HS6ST2: variants seen among roughly 807,000 people sequenced by gnomAD.
HS6ST2 encodes the protein heparan-sulfate 6-O-sulfotransferase 2.
Under a neutral mutation model 33.0 loss-of-function variants are expected in HS6ST2, and 17 were observed. The ratio of observed to expected loss-of-function variants is 0.52; its 90% CI spans 0.35 to 0.77. The LOEUF is 0.77. Among genes scored for constraint, HS6ST2 ranks in the 30% least tolerant of loss-of-function variants. The pLI, the probability that HS6ST2 is intolerant of heterozygous loss-of-function variation, is 0.01. For missense variants in HS6ST2, 519 were observed against 551.7 expected (o/e 0.94, Z 0.59); for synonymous variants, 248 against 237.1 (o/e 1.05, Z -0.42).
intron 2 of HS6ST2, among the ~76,000 whole-genome samples, chrX:132,773,346 A>C (rs1306856212): frequency 9.2e-6 from 1 of 108,874 alleles, no homozygotes; most frequent in Non-Finnish European, 1.9e-5. Context: ...AAAGATGTGG[A>C]GAAATTGGAA....
At chrX:132,883,176 C>T (rs1480905473) in intron 2 of HS6ST2, among the ~76,000 whole-genome samples, 2 of 111,170 alleles carry the variant, frequency 1.8e-5, no homozygotes, top group Middle Eastern at 4.6e-3. Flanking sequence ...TCTTTTTCTA[C>T]TGATTGGAAT....
intron 2 of HS6ST2, among the ~76,000 whole-genome samples, chrX:132,934,580 T>C (rs1233963605): frequency 1.9e-4 from 21 of 111,698 alleles, no homozygotes; most frequent in Admixed American, 9.6e-5. Flanking sequence ...TTAATATACA[T>C]AGATTAAGCC....
At chrX:132,801,420 T>C (rs144235266) in intron 2 of HS6ST2, among the ~76,000 whole-genome samples, 170 of 112,385 alleles carry the variant, frequency 1.5e-3, no homozygotes, top group Non-Finnish European at 2.6e-3. Context: ...TTAGTTTTAC[T>C]GCCTTGAAAA....
At chrX:132,877,496 CT>C (rs1234746321) in intron 2 of HS6ST2, among the ~76,000 whole-genome samples, 1 of 111,395 alleles carries the variant, frequency 9.0e-6, no homozygotes, top group Non-Finnish European at 1.9e-5. Context: ...GGAAGTCACC[CT>C]ACTAATCTGT....
At chrX:132,848,317 G>T (rs1366607892) in intron 2 of HS6ST2, among the ~76,000 whole-genome samples, 1 of 112,591 alleles carries the variant, frequency 8.9e-6, no homozygotes, top group South Asian at 3.7e-4. Context: ...GCTCAGAGAT[G>T]CATCCCTCCT....
At chrX:132,897,159 T>C (rs907489624) in intron 2 of HS6ST2, among the ~76,000 whole-genome samples, 2 of 110,094 alleles carry the variant, frequency 1.8e-5, no homozygotes, top group Admixed American at 2.0e-4. Flanking sequence ...TGGAATTCTA[T>C]CAGAAGGTGG....
At chrX:132,657,488 A>G (rs896463715) in intron 4 of HS6ST2, among the ~76,000 whole-genome samples, 12 of 110,881 alleles carry the variant, frequency 1.1e-4, no homozygotes, top group African/African-American at 3.9e-4. Flanking sequence ...GCAAGAAGAC[A>G]TTCTCAGGGA....
chrX:132,780,660 A>G (rs2065009729), intron 2 of HS6ST2, among the ~76,000 whole-genome samples: 1 of 111,566 alleles, frequency 9.0e-6, no homozygotes, highest in African/African-American at 3.3e-5. Flanking sequence ...CATGATGAAA[A>G]TAAGAGTTTC....
At chrX:132,849,760 C>T (rs1175229717) in intron 2 of HS6ST2, among the ~76,000 whole-genome samples, 1 of 112,018 alleles carries the variant, frequency 8.9e-6, no homozygotes, top group Non-Finnish European at 1.9e-5. Flanking sequence ...ACAAAACTGC[C>T]TATGACAACA....
intron 4 of HS6ST2, among the ~76,000 whole-genome samples, chrX:132,652,313 T>C (rs983794758): frequency 2.7e-5 from 3 of 112,271 alleles, no homozygotes; most frequent in African/African-American, 9.7e-5. Flanking sequence ...ATCTCCAAGA[T>C]GATCGATGAC....
chrX:132,954,231 A>G, intron 2 of HS6ST2, among the ~76,000 whole-genome samples: 1 of 111,728 alleles, frequency 9.0e-6, no homozygotes, highest in Non-Finnish European at 1.9e-5. Context: ...CCTAGAACTA[A>G]GGCCCAGCTG....
chrX:132,652,603 T>C (rs1180197961), intron 4 of HS6ST2, among the ~76,000 whole-genome samples: 1 of 111,702 alleles, frequency 9.0e-6, no homozygotes, highest in Non-Finnish European at 1.9e-5. Flanking sequence ...ACATATTTAC[T>C]CCTTAAAGTT....
At position 132,957,177 on chromosome X, in the gene HS6ST2, G is replaced by C. The variant is rs776745439; in HGVS notation, c.578C>G (p.Pro193Arg). 4 of 1,211,877 alleles carry C rather than the reference G, an allele frequency of 3.3e-6. No homozygotes were observed. The highest frequency in any genetic ancestry group is 4.3e-5 in the Admixed American group (2 of 46,133). The change falls in exon 2 of 5, where the codon CCG (proline) becomes CGG (arginine). Residue 193 changes from proline (P) to arginine (R), a missense_variant. Transcript: ENST00000370833. ...GGAGCTCTCATCCTCCGAGCGGTAC[G>C]GGTCCGGCACCGGGGAGCTGAACGC... ...LQAFSSPVPD[P>R]YRSEDESSAR...
chrX:132,648,700 G>A (rs1343781691), intron 4 of HS6ST2, among the ~76,000 whole-genome samples: 1 of 111,256 alleles, frequency 9.0e-6, no homozygotes, highest in Non-Finnish European at 1.9e-5. Context: ...TCCAAAACGG[G>A]GTGGAATTCT....
intron 2 of HS6ST2, among the ~76,000 whole-genome samples, chrX:132,828,861 T>C (rs2065557306): frequency 1.9e-5 from 2 of 103,196 alleles, no homozygotes; most frequent in Non-Finnish European, 3.9e-5. Context: ...AATATATATA[T>C]GCTGTATTTA....
Position 132,799,810 on chromosome X carries a change from C to T in HS6ST2, c.948-91316G>A, listed in dbSNP as rs941323476. Reference sequence around the variant, plus strand: ...AATGTGGGGATAATATAATTATCAACCACATAGGATTATGGAGGTGATTCA... The same window carrying T: ...AATGTGGGGATAATATAATTATCAATCACATAGGATTATGGAGGTGATTCA... On this transcript the variant is annotated intron_variant, in intron 2 of 4. Coordinates refer to ENST00000370833, the MANE Select transcript of HS6ST2 (RefSeq NM_001394073.1). 3.6e-5 allele frequency among the ~76,000 whole-genome samples: 4 copies of T among 111,691 alleles called. No homozygotes were observed. The Admixed American group carries it at 3.8e-4, about 11-fold the overall frequency.
At chrX:132,705,644 T>C (rs757240994) in intron 3 of HS6ST2, among the ~76,000 whole-genome samples, 25 of 112,057 alleles carry the variant, frequency 2.2e-4, no homozygotes, top group Non-Finnish European at 4.5e-4. Context: ...AACAAGCCTA[T>C]ATACTGGCTA....
chrX:132,894,698 G>A (rs776386683), intron 2 of HS6ST2, among the ~76,000 whole-genome samples: 1 of 110,082 alleles, frequency 9.1e-6, no homozygotes, highest in South Asian at 3.9e-4. Flanking sequence ...CACCATGTCC[G>A]ACTAATTTTT....
rs1464702188 is a variant in HS6ST2 at position 132,753,948 on chromosome X, T to A, written c.948-45454A>T. Among the ~76,000 whole-genome samples, 7 of 112,622 alleles carry A rather than the reference T, an allele frequency of 6.2e-5. No individual in the cohort carries two copies. In the Admixed American group the frequency reaches 6.6e-4, roughly 11 times the overall value. Reference sequence around the variant, plus strand: ...CCACACCCAGTTTCCCACATAAACATCTCTTGATTAATAAGGTACCTTTGT... The same window carrying A: ...CCACACCCAGTTTCCCACATAAACAACTCTTGATTAATAAGGTACCTTTGT... On this transcript the variant is annotated intron_variant, in intron 2 of 4. Coordinates refer to ENST00000370833, the MANE Select transcript of HS6ST2 (RefSeq NM_001394073.1).
Sources: allele counts gnomAD v4.1 joint callset (sites outside exome capture counted in the v4.1 genomes callset), GRCh38; gene constraint gnomAD v4.1.1; transcripts MANE v1.5; gene names NCBI Gene and HGNC (gene_info 2026-07-23, HGNC 2026-07-21).